Variants in CTNNA1 observed in about 807,000 individuals in gnomAD.
CTNNA1 encodes the protein catenin alpha-1.
A neutral mutation model predicts 98.4 loss-of-function variants in CTNNA1; 37 were observed. That is an observed-to-expected ratio of 0.38 (90% CI 0.29 to 0.49). The LOEUF (loss-of-function observed/expected upper bound fraction) is 0.49. Among genes scored for constraint, CTNNA1 ranks in the 20% least tolerant of loss-of-function variants. CTNNA1 has a pLI of 0.95. For synonymous variants in CTNNA1, 404 were observed against 413.2 expected, an observed-to-expected ratio of 0.98 and a Z score of 0.27; for missense variants, 761 against 1,147.2, an observed-to-expected ratio of 0.66 and a Z score of 4.86.
chr5:138,921,011 G>A (rs1762812252), intron 11 of CTNNA1, among the ~76,000 whole-genome samples: 1 of 152,118 alleles, frequency 6.6e-6, no homozygotes, highest in Non-Finnish European at 1.5e-5. Context: ...CATAGAAAAA[G>A]AGGAATATGC....
At chr5:138,849,264 T>C (rs554151300) in intron 7 of CTNNA1, among the ~76,000 whole-genome samples, 3 of 150,398 alleles carry the variant, frequency 2.0e-5, no homozygotes, top group Non-Finnish European at 4.5e-5. Context: ...TTCCTCTCTA[T>C]TTTTTTTTAA....
intron 10 of CTNNA1, among the ~76,000 whole-genome samples, chr5:138,916,065 A>G (rs759826220): frequency 3.3e-5 from 5 of 151,834 alleles, no homozygotes; most frequent in African/African-American, 9.7e-5. Context: ...AAACACACAC[A>G]CACACTAAGT....
chr5:138,933,754 G>T, intron 17 of CTNNA1, 48 bp from the exon 18 acceptor site: 1 of 1,588,638 alleles, frequency 6.3e-7, no homozygotes, highest in Non-Finnish European at 8.6e-7. Context: ...GTGTCCACGA[G>T]GCTGGAGGTC....
chr5:138,776,588 G>A (rs926127809), intron 1 of CTNNA1, among the ~76,000 whole-genome samples: 16 of 152,184 alleles, frequency 1.1e-4, no homozygotes, highest in Non-Finnish European at 2.2e-4. Flanking sequence ...TGGTGGCCGA[G>A]CAGAGGGGTT....
At chr5:138,829,750 G>C (rs1222328424) in intron 7 of CTNNA1, among the ~76,000 whole-genome samples, 2 of 152,142 alleles carry the variant, frequency 1.3e-5, no homozygotes, top group Non-Finnish European at 2.9e-5. Flanking sequence ...TATTATGGTA[G>C]GGATCTTGAA....
At chr5:138,922,844 T>C (rs752034704) in intron 11 of CTNNA1, among the ~76,000 whole-genome samples, 2 of 148,354 alleles carry the variant, frequency 1.3e-5, no homozygotes, top group Non-Finnish European at 3.0e-5. Context: ...AAGTGGGGAA[T>C]ATTACTCTAA....
At chr5:138,907,185 C>A (rs1303641051) in intron 10 of CTNNA1, among the ~76,000 whole-genome samples, 2 of 152,166 alleles carry the variant, frequency 1.3e-5, no homozygotes, top group Non-Finnish European at 2.9e-5. Flanking sequence ...CCATGCCCAG[C>A]TAATTTTTGT....
chr5:138,790,470 C>A (rs1033712124), intron 3 of CTNNA1, among the ~76,000 whole-genome samples: 1 of 152,134 alleles, frequency 6.6e-6, no homozygotes, highest in African/African-American at 2.4e-5. Flanking sequence ...TTTATTAATA[C>A]ATCTGAAACA....
Position 138,753,460 on chromosome 5 carries a change from G to T in CTNNA1, c.-53G>T. ...CCGGACTGGAGGGAGACAAAGCAGC[G>T]CCCGTCTGCTTCGGGCCTCTGGAAT... On this transcript the variant is annotated 5_prime_UTR_variant, in exon 1 of 18. Transcript: ENST00000302763. 3 of 377,424 alleles carry T rather than the reference G, an allele frequency of 7.9e-6. No individual in the cohort carries two copies. Among genetic ancestry groups the T allele is most frequent in the East Asian group, 3.8e-5 (1 of 26,506 alleles). The allele number at this position is 377,424 out of a possible 1,614,324, so 23.4% of individuals were successfully genotyped here.
At chr5:138,822,028 T>C (rs920263489) in intron 5 of CTNNA1, among the ~76,000 whole-genome samples, 13 of 152,312 alleles carry the variant, frequency 8.5e-5, no homozygotes, top group African/African-American at 3.1e-4. Flanking sequence ...AAAAGAACAC[T>C]TTAGCAGTCA....
intron 3 of CTNNA1, among the ~76,000 whole-genome samples, chr5:138,783,615 A>T (rs989247088): frequency 1.3e-5 from 2 of 152,204 alleles, no homozygotes; most frequent in Admixed American, 6.5e-5. Flanking sequence ...CATTTTAATC[A>T]TGAGAGATGC....
At chr5:138,920,845 A>G (rs1236512972) in intron 11 of CTNNA1, among the ~76,000 whole-genome samples, 1 of 152,078 alleles carries the variant, frequency 6.6e-6, no homozygotes, top group African/African-American at 2.4e-5. Context: ...ATTCCCTCAT[A>G]CTTAGAACAA....
intron 1 of CTNNA1, among the ~76,000 whole-genome samples, chr5:138,767,493 A>T (rs184740440): frequency 4.6e-5 from 7 of 152,254 alleles, no homozygotes; most frequent in Middle Eastern, 3.4e-3. Context: ...TACGTCAGAT[A>T]CTCAGTGAGT....
intron 1 of CTNNA1, among the ~76,000 whole-genome samples, chr5:138,776,592 AG>A (rs1211437783): frequency 6.6e-6 from 1 of 152,028 alleles, no homozygotes; most frequent in Non-Finnish European, 1.5e-5. Context: ...GGCCGAGCAG[AG>A]GGGTTCCTCA....
rs187126959 is a variant in CTNNA1 at position 138,904,704 on chromosome 5, C to T, written c.1389+263C>T. 1.4e-3 allele frequency: 478 copies of T among 353,606 alleles called. 3 individuals are homozygous for T. Among genetic ancestry groups the T allele is most frequent in the African/African-American group, 9.4e-3 (455 of 48,536 alleles). The allele number at this position is 353,606 out of a possible 1,614,324, so 21.9% of individuals were successfully genotyped here. ...GGGCACGGTGGCTCACGCCTGTAAT[C>T]GCAGCACTTTGGGATCCCAAAGTGG... On this transcript the variant is annotated intron_variant, in intron 10 of 17. Coordinates refer to ENST00000302763, the MANE Select transcript of CTNNA1 (RefSeq NM_001903.5).
intron 9 of CTNNA1, among the ~76,000 whole-genome samples, chr5:138,894,237 T>G (rs1756194985): frequency 6.6e-6 from 1 of 151,554 alleles, no homozygotes; most frequent in African/African-American, 2.4e-5. Flanking sequence ...TTAAAAAATG[T>G]TGCCTAAGAT....
In CTNNA1 at chr5:138,824,720, A is replaced by G. The variant is rs1043277546; in HGVS notation, c.779A>G (p.Gln260Arg). ...QAVTGISNAA[Q>R]ATASDDASQH... The stretch of plus-strand genomic sequence containing the variant: ...GTCACAGGCATTTCCAATGCAGCCC[A>G]GGCCACTGCCTCAGACGATGCCTCA... Residue 260 changes from glutamine (Q) to arginine (R), a missense_variant, in exon 6 of 18, where the codon CAG becomes CGG. Transcript: ENST00000302763. 2.5e-6 allele frequency: 4 copies of G among 1,614,120 alleles called. No individual in the cohort carries two copies. Among genetic ancestry groups the G allele is most frequent in the African/African-American group, 1.3e-5 (1 of 74,944 alleles).
chr5:138,834,359 A>G (rs1046243032), intron 7 of CTNNA1, among the ~76,000 whole-genome samples: 2 of 152,140 alleles, frequency 1.3e-5, no homozygotes, highest in African/African-American at 4.8e-5. Context: ...GTATATGTAC[A>G]CTTATATCTG....
At chr5:138,876,121 CAG>C (rs1455138110) in intron 7 of CTNNA1, among the ~76,000 whole-genome samples, 8 of 152,188 alleles carry the variant, frequency 5.3e-5, no homozygotes, top group African/African-American at 1.9e-4. Flanking sequence ...AACAGCAAAG[CAG>C]AGATGATTTA....
Sources: gnomAD v4.1 joint callset for allele counts (sites outside exome capture counted in the v4.1 genomes callset) on GRCh38, gnomAD v4.1.1 for gene constraint, MANE v1.5 for transcripts, NCBI Gene and HGNC (gene_info 2026-07-23, HGNC 2026-07-21) for gene names.